The following PID1 variants were observed in gnomAD, a reference collection of about 807,000 sequenced individuals.
The protein encoded by PID1 is phosphotyrosine interaction domain containing 1, also known as PTB-containing, cubilin and LRP1-interacting protein.
A neutral mutation model predicts 19.1 loss-of-function variants in PID1; 10 were observed. That is an observed-to-expected ratio of 0.52 (90% CI 0.32 to 0.89). PID1 has a LOEUF of 0.89. Ranked by LOEUF, PID1 falls within the 40% of genes least tolerant of loss-of-function variation. The pLI, the probability that PID1 is intolerant of heterozygous loss-of-function variation, is 0.03. For missense variants in PID1, 248 were observed against 285.3 expected, an observed-to-expected ratio of 0.87 and a Z score of 0.94; for synonymous variants, 130 against 116.0, an observed-to-expected ratio of 1.12 and a Z score of -0.78.
chr2:229,108,422 C>T (rs1354249986), intron 2 of PID1, among the ~76,000 whole-genome samples: 1 of 152,164 alleles, frequency 6.6e-6, no homozygotes, highest in Non-Finnish European at 1.5e-5. Context: ...CCCAGCACTG[C>T]ACAAAGCAGA....
intron 1 of PID1, among the ~76,000 whole-genome samples, chr2:229,258,492 T>C (rs191858806): frequency 5.8e-4 from 88 of 152,346 alleles, no homozygotes; most frequent in Admixed American, 2.7e-3. Flanking sequence ...AACAGTGTAT[T>C]GTTTAGTTCT....
At chr2:229,200,209 A>G (rs1054319141) in intron 1 of PID1, among the ~76,000 whole-genome samples, 3 of 152,018 alleles carry the variant, frequency 2.0e-5, no homozygotes, top group Non-Finnish European at 4.4e-5. Flanking sequence ...TTGGTGCAAA[A>G]GTAATTGTGG....
intron 1 of PID1, among the ~76,000 whole-genome samples, chr2:229,263,146 T>C (rs1250512150): frequency 6.6e-6 from 1 of 152,200 alleles, no homozygotes; most frequent in African/African-American, 2.4e-5. Context: ...CAAAGATACA[T>C]GTAACAGAAG....
intron 2 of PID1, among the ~76,000 whole-genome samples, chr2:229,058,771 T>C (rs6436836): frequency 0.054 from 7,750 of 143,098 alleles, 673 homozygotes; most frequent in African/African-American, 0.19. Flanking sequence ...AAAGTCAGAA[T>C]CTATTTTTTC....
At chr2:229,227,901 G>A (rs1692115204) in intron 1 of PID1, 1 of 447,846 alleles carries the variant, frequency 2.2e-6, no homozygotes, top group African/African-American at 2.0e-5. Flanking sequence ...AGAGATGATG[G>A]AAAATATACA....
At chr2:229,052,559 C>A (rs1694017613) in intron 2 of PID1, among the ~76,000 whole-genome samples, 1 of 147,668 alleles carries the variant, frequency 6.8e-6, no homozygotes, top group African/African-American at 2.5e-5. Context: ...TTTTTTTTTT[C>A]AACAAATGGG....
At position 229,201,897 on chromosome 2, in the gene PID1, T is replaced by C. The variant is rs1023308254; in HGVS notation, c.31-45933A>G. 3.9e-5 allele frequency among the ~76,000 whole-genome samples: 6 copies of C among 152,150 alleles called. No homozygotes were observed. In the East Asian group the frequency reaches 7.8e-4, roughly 20 times the overall value. On this transcript the variant is annotated intron_variant, in intron 1 of 2. Transcript: ENST00000392055. Reference sequence around the variant, plus strand: ...TAAACCATATTCACTTTGGCTTCCATGGCATTTTTTTTCTTTCTGGCTGTG... The same window carrying C: ...TAAACCATATTCACTTTGGCTTCCACGGCATTTTTTTTCTTTCTGGCTGTG...
At chr2:229,268,142 C>T (rs1690641257) in intron 1 of PID1, among the ~76,000 whole-genome samples, 1 of 152,184 alleles carries the variant, frequency 6.6e-6, no homozygotes, top group African/African-American at 2.4e-5. Context: ...GTTTGTGTGA[C>T]TGAATGAGAA....
At chr2:229,173,536 G>C (rs1690752640) in intron 1 of PID1, among the ~76,000 whole-genome samples, 1 of 151,382 alleles carries the variant, frequency 6.6e-6, no homozygotes, top group Non-Finnish European at 1.5e-5. Context: ...TATTAATACT[G>C]AGTCATGCGC....
intron 1 of PID1, among the ~76,000 whole-genome samples, chr2:229,192,062 G>A (rs796623089): frequency 2.6e-5 from 4 of 151,852 alleles, no homozygotes; most frequent in African/African-American, 9.7e-5. Flanking sequence ...AGTATAAAGG[G>A]AAAGAAAAAT....
chr2:229,218,293 C>CAAAAAAAAAAAAAAAAA (rs67801043), intron 1 of PID1, among the ~76,000 whole-genome samples: 1 of 67,598 alleles, frequency 1.5e-5, no homozygotes, highest in Non-Finnish European at 2.6e-5. Flanking sequence ...GTTTCCTGAG[C>CAAAAAAAAAAAAAAAAA]AAAAAAAAAA....
chr2:229,194,144 T>C (rs1362238), intron 1 of PID1, among the ~76,000 whole-genome samples: 114,267 of 152,006 alleles, frequency 0.75, 43,127 homozygotes, highest in East Asian at 0.89. Flanking sequence ...CAAGGATATA[T>C]TGAACCTTCT....
intron 2 of PID1, among the ~76,000 whole-genome samples, chr2:229,054,316 G>A (rs1694052283): frequency 6.6e-6 from 1 of 152,172 alleles, no homozygotes; most frequent in African/African-American, 2.4e-5. Flanking sequence ...ATGTAGAGTG[G>A]AGAAGCCCGT....
At chr2:229,236,636 G>A (rs1054065455) in intron 1 of PID1, 4 of 152,186 alleles carry the variant, frequency 2.6e-5, no homozygotes, top group Non-Finnish European at 5.9e-5. Flanking sequence ...AGGAAGAGCA[G>A]AGAGATAGCA....
intron 2 of PID1, among the ~76,000 whole-genome samples, chr2:229,026,603 C>T (rs751936181): frequency 6.6e-6 from 1 of 152,210 alleles, no homozygotes; most frequent in Non-Finnish European, 1.5e-5. Flanking sequence ...ACTTAGGCTG[C>T]CTGCTTCTAA....
At chr2:229,204,889 G>T (rs1425898396) in intron 1 of PID1, among the ~76,000 whole-genome samples, 1 of 151,976 alleles carries the variant, frequency 6.6e-6, no homozygotes, top group East Asian at 1.9e-4. Context: ...TATTCTCTAG[G>T]TCAGATTTAT....
intron 1 of PID1, among the ~76,000 whole-genome samples, chr2:229,221,504 T>C (rs1691969217): frequency 6.6e-6 from 1 of 152,126 alleles, no homozygotes; most frequent in South Asian, 2.1e-4. Context: ...CATCTGCACA[T>C]CTACCTCAAA....
intron 1 of PID1, among the ~76,000 whole-genome samples, chr2:229,163,100 A>C (rs532743517): frequency 6.6e-6 from 1 of 152,182 alleles, no homozygotes. Flanking sequence ...TATTAGTTCA[A>C]CTTATAACCT....
At chr2:229,089,521 C>A (rs1243796525) in intron 2 of PID1, among the ~76,000 whole-genome samples, 1 of 152,116 alleles carries the variant, frequency 6.6e-6, no homozygotes, top group African/African-American at 2.4e-5. Context: ...CTTATTGTCA[C>A]ACTAATTAAG....
Sources: gnomAD v4.1 joint callset for allele counts (sites outside exome capture counted in the v4.1 genomes callset) on GRCh38, gnomAD v4.1.1 for gene constraint, MANE v1.5 for transcripts, NCBI Gene and HGNC (gene_info 2026-07-23, HGNC 2026-07-21) for gene names.